Variants in SLC6A7 observed in about 807,000 individuals in gnomAD.
SLC6A7 encodes solute carrier family 6 member 7.
In SLC6A7, 58 loss-of-function variants were observed where a neutral mutation model predicts 73.1. The ratio of observed to expected loss-of-function variants is 0.79; its 90% CI spans 0.64 to 0.99. The LOEUF (loss-of-function observed/expected upper bound fraction) is 0.99. SLC6A7 is among the 50% of genes least tolerant of loss of function. The pLI is 0.00. For synonymous variants in SLC6A7, 338 were observed against 338.7 expected (o/e 1.00, Z 0.02); for missense variants, 783 against 831.4 (o/e 0.94, Z 0.72).
rs143986770 is a variant in SLC6A7, at chr5:150,201,128, C to T, written c.763C>T (p.Leu255Phe). Residue 255 changes from leucine to phenylalanine, a missense_variant, in exon 6 of 14, where the codon CTC (leucine) becomes TTC (phenylalanine). Physicochemically the swap from Leu to Phe is conservative, Grantham distance 22. Transcript: ENST00000230671. Reference sequence around the variant, plus strand: ...GGCCACGTTCCCCTACCTCATCCTGCTCATGCTGCTGGTCCGCGGAGTCAC... The same window carrying T: ...GGCCACGTTCCCCTACCTCATCCTGTTCATGCTGCTGGTCCGCGGAGTCAC... ...FTATFPYLIL[L>F]MLLVRGVTLP... The T allele has an allele frequency of 1.6e-5, 26 of 1,613,930 alleles. No individual in the cohort carries two copies. The African/African-American group carries it at 2.4e-4, about 15-fold the overall frequency.
Position 150,203,978 on chromosome 5 carries a change from G to T in SLC6A7, c.1272G>T (p.Ala424=). 1 of 1,613,804 alleles carries T rather than the reference G, an allele frequency of 6.2e-7. No individual in the cohort carries two copies. Among genetic ancestry groups the T allele is most frequent in the Non-Finnish European group, 8.5e-7 (1 of 1,179,852 alleles). Residue 424 remains alanine (A), a synonymous_variant, in exon 10 of 14, where the codon GCG becomes GCT. Transcript: ENST00000230671. The stretch of plus-strand genomic sequence containing the variant: ...CATACTACCTGCGGCCCAAGAAGGC[G>T]GTGTTCTCAGGGCTCATCTGCGTGG... ...EFPYYLRPKK[A]VFSGLICVAM... is the part of the protein sequence containing the mutation.
intron 1 of SLC6A7, 129 bp downstream of exon 1, chr5:150,190,489 ACTC>A: frequency 1.7e-6 from 1 of 583,056 alleles, no homozygotes; most frequent in Non-Finnish European, 2.8e-6. Context: ...GGAAGGCCCG[ACTC>A]AGCTGGATAA....
In SLC6A7 at chr5:150,203,906, GTTTGC is replaced by G; in HGVS notation, c.1204_1208del (p.Ala402SerfsTer11). ...ACCCCCAGCCCCTCCTCTCTCCTCA[GTTTGC>G]TTTTCTGGAGACCATTGTGACAGCT... On this transcript the variant is annotated frameshift_variant and splice_region_variant, in exon 10 of 14. Coordinates refer to ENST00000230671, the MANE Select transcript of SLC6A7 (RefSeq NM_014228.5). LOFTEE classifies it high-confidence loss of function. 6.2e-7 allele frequency: 1 copy of G among 1,611,174 alleles called. No homozygotes were observed. The highest frequency in any genetic ancestry group is 1.1e-5 in the South Asian group (1 of 91,014).
chr5:150,194,265 T>C (rs1357000037), intron 1 of SLC6A7, among the ~76,000 whole-genome samples: 1 of 151,838 alleles, frequency 6.6e-6, no homozygotes, highest in African/African-American at 2.4e-5. Context: ...CTGTCTCTAC[T>C]AAAAATACAA....
At chr5:150,192,728 A>T (rs879834903) in intron 1 of SLC6A7, among the ~76,000 whole-genome samples, 1 of 152,166 alleles carries the variant, frequency 6.6e-6, no homozygotes, top group African/African-American at 2.4e-5. Context: ...TCTAGTCACC[A>T]TGGAAACAGA....
intron 1 of SLC6A7, among the ~76,000 whole-genome samples, chr5:150,190,749 T>C (rs1197603689): frequency 1.3e-5 from 2 of 152,094 alleles, no homozygotes; most frequent in Non-Finnish European, 2.9e-5. Flanking sequence ...AGCGTTGAGC[T>C]GGACTCATCT....
At position 150,194,902 on chromosome 5, in the gene SLC6A7, A is replaced by G. The variant is rs139009717; in HGVS notation, c.208A>G (p.Asn70Asp). 6 of 1,613,480 alleles carry G rather than the reference A, an allele frequency of 3.7e-6. No individual in the cohort carries two copies. Among genetic ancestry groups the G allele is most frequent in the Non-Finnish European group, 4.2e-6 (5 of 1,179,450 alleles). The change falls in exon 2 of 14, where the codon AAT becomes GAT. Residue 70 changes from asparagine to aspartate, a missense_variant. Asn to Asp is a conservative substitution (Grantham distance 23, BLOSUM62 1). Transcript: ENST00000230671. ...GCGCTTCCCCTATCGAGCGTACACCAATGGAGGAGGTATGGGCCTGAGGTC... is the reference window on the plus strand; with the variant it reads ...GCGCTTCCCCTATCGAGCGTACACCGATGGAGGAGGTATGGGCCTGAGGTC... ...VWRFPYRAYTNGGGAFLVPYF... is the reference protein window; with the variant it reads ...VWRFPYRAYTDGGGAFLVPYF...
chr5:150,199,744 T>TC (rs1206445543), intron 5 of SLC6A7, among the ~76,000 whole-genome samples: 1 of 152,124 alleles, frequency 6.6e-6, no homozygotes. Context: ...AGTTGGAAAG[T>TC]CCAGAGGGTG....
At chr5:150,192,115 A>G (rs1469573196) in intron 1 of SLC6A7, among the ~76,000 whole-genome samples, 4 of 151,852 alleles carry the variant, frequency 2.6e-5, no homozygotes, top group African/African-American at 9.7e-5. Context: ...GAATGAGAAA[A>G]TGCCAGATTT....
At chr5:150,204,971 T>G (rs751877004) in intron 12 of SLC6A7, 44 bp downstream of exon 12, 1 of 1,278,914 alleles carries the variant, frequency 7.8e-7, no homozygotes, top group Non-Finnish European at 1.1e-6. Flanking sequence ...GGCCCCAGAA[T>G]TGAAAGCGGG....
At chr5:150,206,860 C>CACTA (rs1393296636) in intron 13 of SLC6A7, among the ~76,000 whole-genome samples, 1 of 152,208 alleles carries the variant, frequency 6.6e-6, no homozygotes, top group Non-Finnish European at 1.5e-5. Context: ...GCTAATGAGC[C>CACTA]ACTAGGAGTG....
At chr5:150,192,419 G>C (rs1366316568) in intron 1 of SLC6A7, among the ~76,000 whole-genome samples, 1 of 152,188 alleles carries the variant, frequency 6.6e-6, no homozygotes, top group Non-Finnish European at 1.5e-5. Context: ...GCATGCCCCT[G>C]GGGTAGGGAG....
chr5:150,190,875 A>G (rs528487819), intron 1 of SLC6A7, among the ~76,000 whole-genome samples: 335 of 152,122 alleles, frequency 2.2e-3, no homozygotes, highest in African/African-American at 7.6e-3. Context: ...GCCTGCTGAG[A>G]CCCCAGGCTG....
rs1355503005 is a variant in SLC6A7, at chr5:150,202,429, C to G, written c.941C>G (p.Thr314Arg). The change falls in exon 7 of 14, where the codon ACG becomes AGG. Residue 314 changes from threonine (T) to arginine (R), a missense_variant. Coordinates refer to ENST00000230671, the MANE Select transcript of SLC6A7 (RefSeq NM_014228.5). ...CTCCTCACCTTTGCCTCCTACAACA[C>G]GTTTCACCAGAACATCTATAGGTCA... The part of the protein sequence containing the change: ...GGLLTFASYN[T>R]FHQNIYRDTF... 1.2e-6 allele frequency: 2 copies of G among 1,613,884 alleles called. No individual in the cohort carries two copies. Among genetic ancestry groups the G allele is most frequent in the South Asian group, 2.2e-5 (2 of 91,082 alleles).
rs772854818 is a variant in SLC6A7 at position 150,209,612 on chromosome 5, G to A, written c.1908G>A (p.Met636Ile). The change falls in exon 14 of 14, where the codon ATG becomes ATA. Residue 636 changes from methionine (M) to isoleucine (I), a missense_variant. Physicochemically the swap from Met to Ile is conservative, Grantham distance 10 (BLOSUM62 1). Transcript: ENST00000230671. ...TTGCAGAGGAGGAGGAGTCGATGATGTGAGGCAGGAGGCAGGCGGGCAGAA... is the reference window on the plus strand; with the variant it reads ...TTGCAGAGGAGGAGGAGTCGATGATATGAGGCAGGAGGCAGGCGGGCAGAA... ...REIAEEEESM[M>I] is the part of the protein sequence containing the mutation. 6.3e-7 allele frequency: 1 copy of A among 1,597,902 alleles called. No individual in the cohort carries two copies. Among genetic ancestry groups the A allele is most frequent in the Non-Finnish European group, 8.5e-7 (1 of 1,171,682 alleles).
At chr5:150,202,730 G>T in intron 8 of SLC6A7, 27 bp downstream of exon 8, 2 of 1,612,438 alleles carry the variant, frequency 1.2e-6, no homozygotes, top group South Asian at 1.1e-5. Flanking sequence ...GCCTCAGTGG[G>T]GTGAGCATGT....
chr5:150,208,738 A>G (rs982077024), intron 13 of SLC6A7, among the ~76,000 whole-genome samples: 45 of 152,192 alleles, frequency 3.0e-4, no homozygotes, highest in Non-Finnish European at 1.5e-4. Flanking sequence ...CATGACAGGC[A>G]GAGGGATTTG....
At chr5:150,203,830 T>TGTGTGA (rs748526789) in intron 9 of SLC6A7, 51 bp downstream of exon 9, 6 of 1,169,938 alleles carry the variant, frequency 5.1e-6, no homozygotes, top group Non-Finnish European at 7.5e-6. Flanking sequence ...GGTGTGTGTG[T>TGTGTGA]GTGTGTGTGT....
At chr5:150,196,961 G>C (rs1223513711) in intron 3 of SLC6A7, 81 bp from the exon 4 acceptor site, 4 of 1,531,012 alleles carry the variant, frequency 2.6e-6, no homozygotes, top group Non-Finnish European at 3.6e-6. Flanking sequence ...AGCCCAGATA[G>C]CTGCCAGCTC....
Sources: gnomAD v4.1 joint callset for allele counts (sites outside exome capture counted in the v4.1 genomes callset) on GRCh38, gnomAD v4.1.1 for gene constraint, MANE v1.5 for transcripts, NCBI Gene and HGNC (gene_info 2026-07-23, HGNC 2026-07-21) for gene names.